Variants in DNER observed in about 807,000 individuals in gnomAD.
The protein encoded by DNER is delta/notch like EGF repeat containing.
A neutral mutation model predicts 78.2 loss-of-function variants in DNER; 33 were observed. The ratio of observed to expected loss-of-function variants is 0.42; its 90% CI spans 0.32 to 0.56. The LOEUF (loss-of-function observed/expected upper bound fraction) is 0.56. Among genes scored for constraint, DNER ranks in the 20% least tolerant of loss-of-function variants. DNER has a pLI of 0.11. For synonymous variants in DNER, 417 were observed against 384.8 expected, an observed-to-expected ratio of 1.08 and a Z score of -0.98; for missense variants, 918 against 975.3, an observed-to-expected ratio of 0.94 and a Z score of 0.78.
chr2:229,378,308 GGAAACTAATACA>G (rs1692654711), intron 11 of DNER, among the ~76,000 whole-genome samples: 1 of 152,140 alleles, frequency 6.6e-6, no homozygotes, highest in African/African-American at 2.4e-5. Flanking sequence ...AGTGACAAGA[GGAAACTAATACA>G]GATGGTCAGG....
At chr2:229,405,435 A>G (rs1489259121) in intron 10 of DNER, among the ~76,000 whole-genome samples, 3 of 152,190 alleles carry the variant, frequency 2.0e-5, no homozygotes, top group Non-Finnish European at 4.4e-5. Context: ...AAGTACACAA[A>G]GATGTAAATA....
intron 8 of DNER, among the ~76,000 whole-genome samples, chr2:229,420,438 T>C (rs1693740882): frequency 6.6e-6 from 1 of 152,244 alleles, no homozygotes; most frequent in African/African-American, 2.4e-5. Context: ...AAGCACCACT[T>C]GTATATTTGT....
At chr2:229,393,621 G>C (rs1211119307) in intron 10 of DNER, among the ~76,000 whole-genome samples, 1 of 152,062 alleles carries the variant, frequency 6.6e-6, no homozygotes, top group Non-Finnish European at 1.5e-5. Context: ...GCTGAGGTGG[G>C]TGGATCACGA....
At chr2:229,367,553 A>T (rs1345931334) in intron 11 of DNER, among the ~76,000 whole-genome samples, 1 of 152,186 alleles carries the variant, frequency 6.6e-6, no homozygotes, top group Non-Finnish European at 1.5e-5. Context: ...GTGAGCCAAG[A>T]TTGCACCACT....
intron 1 of DNER, among the ~76,000 whole-genome samples, chr2:229,664,844 G>C (rs377370253): frequency 6.6e-4 from 100 of 152,146 alleles, no homozygotes; most frequent in African/African-American, 2.3e-3. Context: ...GGCACATTCA[G>C]AACACTGGCC....
intron 8 of DNER, among the ~76,000 whole-genome samples, chr2:229,434,256 A>G (rs191535187): frequency 1.1e-4 from 16 of 152,314 alleles, no homozygotes; most frequent in African/African-American, 3.6e-4. Flanking sequence ...GTCATCCTCT[A>G]AGCTTTCTAT....
At chr2:229,399,668 G>A (rs1693226754) in intron 10 of DNER, among the ~76,000 whole-genome samples, 1 of 151,964 alleles carries the variant, frequency 6.6e-6, no homozygotes, top group East Asian at 1.9e-4. Context: ...ACATAATAAA[G>A]GTAGAGGAAT....
chr2:229,387,863 CTGTGTG>C (rs34029070), intron 11 of DNER, among the ~76,000 whole-genome samples: 5,748 of 120,622 alleles, frequency 0.048, 332 homozygotes, highest in African/African-American at 0.15. Context: ...AATTTGCATT[CTGTGTG>C]TGTGTGTGTG....
chr2:229,545,749 A>C (rs1390637593), intron 5 of DNER, among the ~76,000 whole-genome samples: 1 of 152,178 alleles, frequency 6.6e-6, no homozygotes, highest in African/African-American at 2.4e-5. Context: ...TGCTGAAGAA[A>C]AAGTGGAACA....
chr2:229,463,447 T>C (rs1298118584), intron 7 of DNER, among the ~76,000 whole-genome samples: 1 of 152,152 alleles, frequency 6.6e-6, no homozygotes, highest in East Asian at 1.9e-4. Flanking sequence ...AGAAAATATA[T>C]TTATTTATTT....
intron 1 of DNER, among the ~76,000 whole-genome samples, chr2:229,635,216 C>G (rs1185645079): frequency 6.6e-6 from 1 of 152,084 alleles, no homozygotes. Flanking sequence ...CCTTCTGTCT[C>G]CTCGGCAGCA....
chr2:229,485,936 G>A (rs555457109), intron 6 of DNER, among the ~76,000 whole-genome samples: 2 of 152,246 alleles, frequency 1.3e-5, no homozygotes, highest in South Asian at 2.1e-4. Context: ...TATTTTTAAC[G>A]CTCCTGGTCT....
intron 5 of DNER, among the ~76,000 whole-genome samples, chr2:229,541,677 C>T (rs202184288): frequency 6.6e-6 from 1 of 151,858 alleles, no homozygotes; most frequent in Admixed American, 6.6e-5. Context: ...CCAAAGAGAA[C>T]AAAAGCCTGA....
intron 1 of DNER, among the ~76,000 whole-genome samples, chr2:229,628,810 A>G (rs566132452): frequency 2.6e-5 from 4 of 152,278 alleles, no homozygotes; most frequent in East Asian, 1.9e-4. Flanking sequence ...TCTAACATCA[A>G]GAGTTGGAAC....
chr2:229,703,481 C>T (rs1388217184), intron 1 of DNER, among the ~76,000 whole-genome samples: 1 of 152,016 alleles, frequency 6.6e-6, no homozygotes, highest in African/African-American at 2.4e-5. Context: ...TTGGGTTAGG[C>T]AAAGATCTCT....
intron 6 of DNER, among the ~76,000 whole-genome samples, chr2:229,488,385 C>T (rs1449347916): frequency 6.6e-6 from 1 of 152,072 alleles, no homozygotes; most frequent in Non-Finnish European, 1.5e-5. Context: ...TATGTGTGTA[C>T]ATGTTTTGTG....
chr2:229,432,634 G>A (rs1298969404), intron 8 of DNER, among the ~76,000 whole-genome samples: 1 of 152,116 alleles, frequency 6.6e-6, no homozygotes, highest in African/African-American at 2.4e-5. Context: ...TTGGGTCTCA[G>A]TGCAGTCCCC....
chr2:229,702,379 T>C (rs1034568147), intron 1 of DNER, among the ~76,000 whole-genome samples: 1 of 151,420 alleles, frequency 6.6e-6, no homozygotes, highest in African/African-American at 2.4e-5. Context: ...TACAAAAATA[T>C]TTAAAAATTA....
intron 1 of DNER, among the ~76,000 whole-genome samples, chr2:229,696,724 T>G (rs1369607544): frequency 6.6e-6 from 1 of 152,072 alleles, no homozygotes; most frequent in African/African-American, 2.4e-5. Context: ...GGGCCTTACA[T>G]GAAGAGACAA....
Sources: allele counts gnomAD v4.1 joint callset (sites outside exome capture counted in the v4.1 genomes callset), GRCh38; gene constraint gnomAD v4.1.1; transcripts MANE v1.5; gene names NCBI Gene and HGNC (gene_info 2026-07-23, HGNC 2026-07-21).